ZNF385D: variants seen among roughly 807,000 people sequenced by gnomAD.
The protein encoded by ZNF385D is zinc finger protein 659.
In ZNF385D, 15 loss-of-function variants were observed where a neutral mutation model predicts 35.8. That is an observed-to-expected ratio of 0.42 (90% CI 0.28 to 0.64). ZNF385D has a LOEUF of 0.64. Among genes scored for constraint, ZNF385D ranks in the 30% least tolerant of loss-of-function variants. The pLI is 0.23. For synonymous variants in ZNF385D, 212 were observed against 186.8 expected (o/e 1.13, Z -1.10); for missense variants, 474 against 494.6 (o/e 0.96, Z 0.39).
intron 3 of ZNF385D, among the ~76,000 whole-genome samples, chr3:22,077,279 C>T (rs754909543): frequency 1.3e-5 from 2 of 151,876 alleles, no homozygotes; most frequent in African/African-American, 4.8e-5. Context: ...TGTTCCCATA[C>T]AGAATTTTGG....
chr3:21,950,885 A>G (rs1462808995), intron 3 of ZNF385D, among the ~76,000 whole-genome samples: 1 of 151,178 alleles, frequency 6.6e-6, no homozygotes, highest in Admixed American at 6.6e-5. Flanking sequence ...TGAGGCCTCT[A>G]TTTTGTTCCA....
chr3:22,069,447 C>T (rs1184818451), intron 3 of ZNF385D, among the ~76,000 whole-genome samples: 5 of 152,090 alleles, frequency 3.3e-5, no homozygotes. Context: ...AACAAGAACC[C>T]CGAGGGGTGT....
chr3:21,811,770 G>T (rs1038293714), intron 3 of ZNF385D, among the ~76,000 whole-genome samples: 1 of 152,208 alleles, frequency 6.6e-6, no homozygotes, highest in African/African-American at 2.4e-5. Flanking sequence ...GAGAAGAGGA[G>T]AACAGCACCA....
At chr3:21,792,707 T>G (rs2071980652) in intron 3 of ZNF385D, among the ~76,000 whole-genome samples, 1 of 152,124 alleles carries the variant, frequency 6.6e-6, no homozygotes, top group South Asian at 2.1e-4. Context: ...TTTAGTCATT[T>G]CCCGTCCTGC....
At chr3:21,779,472 T>C (rs2071411797) in intron 3 of ZNF385D, among the ~76,000 whole-genome samples, 1 of 152,004 alleles carries the variant, frequency 6.6e-6, no homozygotes, top group Admixed American at 6.6e-5. Context: ...AAAAGCATAA[T>C]GTTTAATTTA....
intron 3 of ZNF385D, among the ~76,000 whole-genome samples, chr3:21,814,434 G>T (rs535943212): frequency 4.1e-4 from 63 of 152,246 alleles, no homozygotes; most frequent in African/African-American, 1.4e-3. Context: ...GTATTCAGGA[G>T]ACCCATCTCA....
chr3:22,101,658 G>A (rs1454547953), intron 3 of ZNF385D, among the ~76,000 whole-genome samples: 1 of 151,682 alleles, frequency 6.6e-6, no homozygotes, highest in African/African-American at 2.4e-5. Flanking sequence ...AGAACAATAG[G>A]GGCATGTACG....
chr3:21,518,556 A>G (rs966398052), intron 3 of ZNF385D, among the ~76,000 whole-genome samples: 26 of 152,330 alleles, frequency 1.7e-4, no homozygotes, highest in African/African-American at 6.3e-4. Context: ...CAACCCCTGT[A>G]TCAAACTCTT....
At chr3:21,452,125 G>A (rs1166041168) in intron 4 of ZNF385D, among the ~76,000 whole-genome samples, 1 of 151,898 alleles carries the variant, frequency 6.6e-6, no homozygotes, top group Admixed American at 6.6e-5. Flanking sequence ...AATATCATTA[G>A]GCAATTTAAA....
chr3:22,028,942 T>C (rs1398149544), intron 3 of ZNF385D, among the ~76,000 whole-genome samples: 1 of 152,184 alleles, frequency 6.6e-6, no homozygotes, highest in African/African-American at 2.4e-5. Context: ...TATATGGTAC[T>C]GTTTCTCCCA....
At chr3:22,276,764 G>A (rs1183804962) in intron 2 of ZNF385D, among the ~76,000 whole-genome samples, 1 of 151,984 alleles carries the variant, frequency 6.6e-6, no homozygotes, top group African/African-American at 2.4e-5. Flanking sequence ...CTTATGGATG[G>A]GACTCCAATG....
At chr3:21,932,059 C>T (rs778229465) in intron 3 of ZNF385D, among the ~76,000 whole-genome samples, 1 of 148,876 alleles carries the variant, frequency 6.7e-6, no homozygotes, top group Admixed American at 6.8e-5. Context: ...CCCAGCTACT[C>T]GGGAGGCTGA....
At chr3:22,203,711 C>G (rs938583636) in intron 2 of ZNF385D, among the ~76,000 whole-genome samples, 1 of 151,974 alleles carries the variant, frequency 6.6e-6, no homozygotes, top group Non-Finnish European at 1.5e-5. Flanking sequence ...CCAAATGGAC[C>G]GGTGGTTGTG....
In ZNF385D at chr3:21,954,535, G is replaced by A. The variant is rs578245525; in HGVS notation, c.325+214282C>T. Among the ~76,000 whole-genome samples the A allele has an allele frequency of 2.3e-3, 344 of 151,894 alleles. 2 individuals carry two copies. The highest frequency in any genetic ancestry group is 7.4e-3 in the African/African-American group (306 of 41,432). The stretch of plus-strand genomic sequence containing the variant: ...TTTAGTGTCTTAGTAATATTTACAC[G>A]GGACCCCTAGGCCAAAAGAAATATG... On this transcript the variant is annotated intron_variant, in intron 3 of 5. Transcript: ENST00000494108.
chr3:21,928,590 A>C (rs565301415), intron 3 of ZNF385D, among the ~76,000 whole-genome samples: 30 of 152,330 alleles, frequency 2.0e-4, no homozygotes, highest in South Asian at 8.3e-4. Context: ...AAAAAATAAT[A>C]AGGCTTTAGC....
chr3:22,297,148 G>T (rs755523541), intron 2 of ZNF385D, among the ~76,000 whole-genome samples: 27 of 152,068 alleles, frequency 1.8e-4, no homozygotes, highest in Non-Finnish European at 3.7e-4. Context: ...CCTAAAGGTC[G>T]CACTAGAATA....
In ZNF385D at chr3:22,164,216, C is replaced by CTTTTTTTT. The variant is rs571978176; in HGVS notation, c.325+4593_325+4600dup. Among the ~76,000 whole-genome samples, 23 of 74,944 alleles carry CTTTTTTTT rather than the reference C, an allele frequency of 3.1e-4. 1 individual carries two copies. The highest frequency in any genetic ancestry group is 9.1e-4 in the African/African-American group (18 of 19,876). The allele number at this position is 74,944 out of a possible 152,430, so 49.2% of individuals were successfully genotyped here. A position where few individuals can be genotyped will look rare whatever the true frequency, so the allele number is the denominator to read the frequency against. On this transcript the variant is annotated intron_variant, in intron 3 of 5. Coordinates refer to the ZNF385D transcript ENST00000494108. ...CACTATAGGTAATACAAAAGGAGCA[C>CTTTTTTTT]TTTTTTTTTTTTTTTTTTTTTTTTT...
intron 3 of ZNF385D, among the ~76,000 whole-genome samples, chr3:21,911,821 G>C (rs1454690348): frequency 2.6e-5 from 4 of 151,916 alleles, no homozygotes; most frequent in Non-Finnish European, 5.9e-5. Context: ...AAGATTTTTA[G>C]ACAAGTGGTG....
At chr3:22,183,138 A>G (rs73821321) in intron 2 of ZNF385D, among the ~76,000 whole-genome samples, 2 of 152,074 alleles carry the variant, frequency 1.3e-5, no homozygotes, top group Non-Finnish European at 2.9e-5. Flanking sequence ...TTAATGAAAG[A>G]AAAATAATGA....
Sources: allele counts gnomAD v4.1 joint callset (sites outside exome capture counted in the v4.1 genomes callset), GRCh38; gene constraint gnomAD v4.1.1; transcripts MANE v1.5; gene names NCBI Gene and HGNC (gene_info 2026-07-23, HGNC 2026-07-21).